The following PEBP4 variants were observed in gnomAD, a reference collection of about 807,000 sequenced individuals.
The protein encoded by PEBP4 is phosphatidylethanolamine binding protein 4, also known as phosphatidylethanolamine-binding protein 4.
Under a neutral mutation model 23.9 loss-of-function variants are expected in PEBP4, and 22 were observed. The ratio of observed to expected loss-of-function variants is 0.92; its 90% CI spans 0.66 to 1.31. The LOEUF (loss-of-function observed/expected upper bound fraction) is 1.31. PEBP4 is among the 40% of genes most tolerant of loss of function. The probability of loss-of-function intolerance (pLI) is 0.00; values close to 1 mark genes in which losing one functional copy is unlikely to be tolerated. For synonymous variants in PEBP4, 112 were observed against 99.3 expected (o/e 1.13, Z -0.76); for missense variants, 324 against 281.7 (o/e 1.15, Z -1.07).
chr8:22,727,253 T>C (rs1310780680), intron 4 of PEBP4, 33 bp from the exon 5 acceptor site: 6 of 1,610,750 alleles, frequency 3.7e-6, no homozygotes, highest in Non-Finnish European at 1.7e-6. Flanking sequence ...CTGTAGGTTA[T>C]GTCTTGGGCA....
chr8:22,838,743 C>G (rs1220484747), intron 3 of PEBP4, among the ~76,000 whole-genome samples: 2 of 152,274 alleles, frequency 1.3e-5, no homozygotes, highest in Non-Finnish European at 2.9e-5. Flanking sequence ...CTGCTCTCGG[C>G]CTAAGCCGCC....
intron 3 of PEBP4, among the ~76,000 whole-genome samples, chr8:22,869,037 A>C (rs1404017383): frequency 6.6e-6 from 1 of 152,168 alleles, no homozygotes; most frequent in African/African-American, 2.4e-5. Context: ...CACGCTACTC[A>C]TTCCAGCCAC....
upstream of PEBP4, among the ~76,000 whole-genome samples, chr8:22,929,643 G>T (rs950015462): frequency 6.6e-6 from 1 of 152,226 alleles, no homozygotes; most frequent in Non-Finnish European, 1.5e-5. Context: ...TCACCAAGAA[G>T]TGGCAGACCT....
intron 4 of PEBP4, among the ~76,000 whole-genome samples, chr8:22,729,370 A>G (rs1234051789): frequency 6.6e-6 from 1 of 152,244 alleles, no homozygotes; most frequent in Non-Finnish European, 1.5e-5. Flanking sequence ...TTTAAACAAA[A>G]CAATAGCAAC....
chr8:22,789,756 CT>C (rs964548735), intron 4 of PEBP4, among the ~76,000 whole-genome samples: 1 of 152,242 alleles, frequency 6.6e-6, no homozygotes, highest in African/African-American at 2.4e-5. Context: ...TTGTCAAACA[CT>C]TTTGTGACAG....
intron 3 of PEBP4, among the ~76,000 whole-genome samples, chr8:22,834,115 A>G (rs564741168): frequency 1.4e-3 from 209 of 152,266 alleles, no homozygotes; most frequent in African/African-American, 4.9e-3. Flanking sequence ...CCAGCACCCA[A>G]TTGAGAAGCT....
intron 5 of PEBP4, among the ~76,000 whole-genome samples, chr8:22,726,957 A>G (rs1456220144): frequency 6.6e-6 from 1 of 152,198 alleles, no homozygotes; most frequent in Non-Finnish European, 1.5e-5. Context: ...CTAGCCATTC[A>G]CATGGCGCAG....
rs1805803718 is a variant in PEBP4 at position 22,775,777 on chromosome 8, AGAGAGGTTGGG to A, written c.357+41849_357+41859del. On this transcript the variant is annotated intron_variant, in intron 4 of 6. Coordinates refer to ENST00000256404, the MANE Select transcript of PEBP4 (RefSeq NM_144962.3). The surrounding 1 kb of genome is among the most constrained non-coding windows in gnomAD (Gnocchi z 4.8). The stretch of plus-strand genomic sequence containing the variant: ...CGAGGAGACAGACAGAGGAAGCGAG[AGAGAGGTTGGG>A]GAGGCGGGTTCTCCAGGCTGGAAGG... Among the ~76,000 whole-genome samples, 1 of 151,968 alleles carries A rather than the reference AGAGAGGTTGGG, an allele frequency of 6.6e-6. No homozygotes were observed. The highest frequency in any genetic ancestry group is 6.5e-5 in the Admixed American group (1 of 15,270).
At position 22,831,437 on chromosome 8, in the gene PEBP4, T is replaced by A. The variant is rs1324455399; in HGVS notation, c.259-13702A>T. Reference sequence around the variant, plus strand: ...CACACAGTAGACACTCAATAAATATTTTTGAATAAATAAATTATATATTGG... The same window carrying A: ...CACACAGTAGACACTCAATAAATATATTTGAATAAATAAATTATATATTGG... On this transcript the variant is annotated intron_variant, in intron 3 of 6. Transcript: ENST00000256404. Among the ~76,000 whole-genome samples the A allele has an allele frequency of 2.0e-5, 3 of 152,146 alleles. No individual in the cohort carries two copies. In the East Asian group the frequency reaches 5.8e-4, roughly 29 times the overall value.
intron 2 of PEBP4, among the ~76,000 whole-genome samples, chr8:22,920,618 G>T (rs913940131): frequency 1.3e-5 from 2 of 152,188 alleles, no homozygotes; most frequent in African/African-American, 4.8e-5. Context: ...ATTATCATCA[G>T]CCTTTACTTC....
intron 4 of PEBP4, among the ~76,000 whole-genome samples, chr8:22,741,617 C>T (rs905873819): frequency 3.9e-5 from 6 of 152,148 alleles, no homozygotes; most frequent in South Asian, 2.1e-4. Context: ...AGTGACCCAG[C>T]GGAACCTGGG....
intron 4 of PEBP4, among the ~76,000 whole-genome samples, chr8:22,764,636 G>T (rs1805573443): frequency 6.6e-6 from 1 of 151,938 alleles, no homozygotes; most frequent in South Asian, 2.1e-4. Context: ...AGTATCATGG[G>T]ACTATGGAGT....
At chr8:22,797,968 G>A (rs1474972709) in intron 4 of PEBP4, among the ~76,000 whole-genome samples, 1 of 152,128 alleles carries the variant, frequency 6.6e-6, no homozygotes, top group Non-Finnish European at 1.5e-5. Context: ...CCCAGGGGCT[G>A]GGAAACTAGG....
At chr8:22,904,422 T>C (rs1808769614) in intron 3 of PEBP4, among the ~76,000 whole-genome samples, 1 of 152,194 alleles carries the variant, frequency 6.6e-6, no homozygotes, top group Non-Finnish European at 1.5e-5. Flanking sequence ...CACAAAAAGT[T>C]GGGCAATTCA....
At chr8:22,720,723 G>C (rs371028322) in intron 6 of PEBP4, among the ~76,000 whole-genome samples, 1 of 140,962 alleles carries the variant, frequency 7.1e-6, no homozygotes, top group African/African-American at 2.6e-5. Flanking sequence ...TTAGATTTCA[G>C]GGGTCTCTCT....
At chr8:22,926,118 G>A (rs1444614336) in intron 2 of PEBP4, among the ~76,000 whole-genome samples, 1 of 152,008 alleles carries the variant, frequency 6.6e-6, no homozygotes, top group African/African-American at 2.4e-5. Context: ...TGGGATTACA[G>A]GTGTGCGCCA....
intron 3 of PEBP4, among the ~76,000 whole-genome samples, chr8:22,916,386 G>T (rs955460205): frequency 6.6e-6 from 1 of 152,088 alleles, no homozygotes; most frequent in Non-Finnish European, 1.5e-5. Context: ...CACCTCTCTC[G>T]CTCAGCCATA....
intron 4 of PEBP4, among the ~76,000 whole-genome samples, chr8:22,805,517 A>T (rs1459276392): frequency 6.6e-6 from 1 of 152,146 alleles, no homozygotes; most frequent in African/African-American, 2.4e-5. Context: ...ATAGAGACAG[A>T]GTTTCTCCAT....
At chr8:22,920,888 T>C (rs367943011) in intron 2 of PEBP4, among the ~76,000 whole-genome samples, 29 of 152,242 alleles carry the variant, frequency 1.9e-4, no homozygotes, top group Admixed American at 1.7e-3. Context: ...AGGTTCTCTT[T>C]CAAAATGCAA....
Sources: allele counts gnomAD v4.1 joint callset (sites outside exome capture counted in the v4.1 genomes callset), GRCh38; gene constraint gnomAD v4.1.1; non-coding constraint Gnocchi (gnomAD v3.1); transcripts MANE v1.5; gene names NCBI Gene and HGNC (gene_info 2026-07-23, HGNC 2026-07-21).